The following HS3ST3A1 variants were observed in gnomAD, a reference collection of about 807,000 sequenced individuals.
HS3ST3A1 encodes heparan sulfate-glucosamine 3-sulfotransferase 3A1, also known as heparan sulfate glucosamine 3-O-sulfotransferase 3A1.
HS3ST3A1 carries 19 observed loss-of-function variants against 25.7 expected under a neutral mutation model. That is an observed-to-expected ratio of 0.74 (90% CI 0.52 to 1.08). HS3ST3A1 has a LOEUF of 1.08. HS3ST3A1 is among the 50% of genes least tolerant of loss of function. The probability of loss-of-function intolerance (pLI) is 0.00; values close to 1 mark genes in which losing one functional copy is unlikely to be tolerated. For synonymous variants in HS3ST3A1, 226 were observed against 278.6 expected (o/e 0.81, Z 1.88); for missense variants, 459 against 594.3 (o/e 0.77, Z 2.37).
chr17:13,577,936 G>A (rs1372093798), intron 1 of HS3ST3A1, among the ~76,000 whole-genome samples: 3 of 152,074 alleles, frequency 2.0e-5, no homozygotes, highest in South Asian at 4.2e-4. Flanking sequence ...CAATCAAAAC[G>A]GGCATCTTCA....
intron 1 of HS3ST3A1, among the ~76,000 whole-genome samples, chr17:13,507,273 A>G (rs1023502712): frequency 6.6e-6 from 1 of 152,162 alleles, no homozygotes; most frequent in Non-Finnish European, 1.5e-5. Flanking sequence ...TTATTTCTTG[A>G]GTCTCACAAC....
rs1339392406 is a variant in HS3ST3A1, at chr17:13,522,851, G to GACAC, written c.600-26034_600-26033insGTGT. 8.5e-4 allele frequency among the ~76,000 whole-genome samples: 79 copies of GACAC among 93,238 alleles called. 1 individual carries two copies. The highest frequency in any genetic ancestry group is 4.7e-3 in the South Asian group (14 of 2,986). The allele number at this position is 93,238 out of a possible 152,430, so 61.2% of individuals were successfully genotyped here. On this transcript the variant is annotated intron_variant, in intron 1 of 1. Transcript: ENST00000284110. ...CACACACACACCACACACACACAGA[G>GACAC]AGACACACACACACACACACACACA... is the stretch of plus-strand genomic sequence containing the variant.
intron 1 of HS3ST3A1, among the ~76,000 whole-genome samples, chr17:13,595,408 G>C (rs1908546828): frequency 6.6e-6 from 1 of 152,012 alleles, no homozygotes; most frequent in Non-Finnish European, 1.5e-5. Flanking sequence ...CTAAATTTTG[G>C]CTTCACAACA....
intron 1 of HS3ST3A1, among the ~76,000 whole-genome samples, chr17:13,517,513 T>C (rs2142314221): frequency 6.6e-6 from 1 of 152,162 alleles, no homozygotes; most frequent in African/African-American, 2.4e-5. Context: ...AGTGCTTGAG[T>C]GAAGAAAAGA....
intron 1 of HS3ST3A1, among the ~76,000 whole-genome samples, chr17:13,503,856 G>A (rs1905569845): frequency 6.6e-6 from 1 of 152,172 alleles, no homozygotes; most frequent in Non-Finnish European, 1.5e-5. Context: ...CATGGCCAGG[G>A]CTATACTCAT....
intron 1 of HS3ST3A1, among the ~76,000 whole-genome samples, chr17:13,503,173 C>CAAAA (rs144678351): frequency 3.5e-5 from 3 of 86,862 alleles, no homozygotes; most frequent in African/African-American, 8.4e-5. Context: ...GACTCCATCT[C>CAAAA]AAAAAAAAAA....
At chr17:13,596,799 G>T (rs1033202807) in intron 1 of HS3ST3A1, among the ~76,000 whole-genome samples, 2 of 152,134 alleles carry the variant, frequency 1.3e-5, no homozygotes, top group African/African-American at 4.8e-5. Context: ...CACAGTACAG[G>T]AGGGTGGGAA....
At chr17:13,518,310 G>A (rs1478236992) in intron 1 of HS3ST3A1, among the ~76,000 whole-genome samples, 1 of 152,156 alleles carries the variant, frequency 6.6e-6, no homozygotes, top group African/African-American at 2.4e-5. Flanking sequence ...TTCATACAAT[G>A]TAACATTTCC....
At chr17:13,582,738 C>T (rs1219623469) in intron 1 of HS3ST3A1, among the ~76,000 whole-genome samples, 1 of 152,118 alleles carries the variant, frequency 6.6e-6, no homozygotes, top group African/African-American at 2.4e-5. Context: ...TTCATGCTTT[C>T]TTTCCCTGAG....
intron 1 of HS3ST3A1, among the ~76,000 whole-genome samples, chr17:13,580,285 C>A (rs1908076562): frequency 6.6e-6 from 1 of 151,854 alleles, no homozygotes; most frequent in African/African-American, 2.4e-5. Flanking sequence ...AACACAGTTC[C>A]ATACATGTTG....
At chr17:13,500,761 C>G (rs1414565263) in intron 1 of HS3ST3A1, among the ~76,000 whole-genome samples, 2 of 152,090 alleles carry the variant, frequency 1.3e-5, no homozygotes, top group Non-Finnish European at 2.9e-5. Context: ...CAAAGATAAG[C>G]AGAAATTTCA....
rs984307026 is a variant in HS3ST3A1, at chr17:13,496,059, G to A, written c.*138C>T. The stretch of plus-strand genomic sequence containing the variant: ...GGTTATACATTAAGATGGGGCGGGA[G>A]TGAGAACAATCTCTTAACATTCATT... On this transcript the variant is annotated 3_prime_UTR_variant, in exon 2 of 2. Transcript: ENST00000284110. 6 of 1,099,136 alleles carry A rather than the reference G, an allele frequency of 5.5e-6. No homozygotes were observed. The highest frequency in any genetic ancestry group is 2.1e-5 in the South Asian group (1 of 48,566). The allele number at this position is 1,099,136 out of a possible 1,614,324, so 68.1% of individuals were successfully genotyped here.
intron 1 of HS3ST3A1, among the ~76,000 whole-genome samples, chr17:13,505,020 AAAGAGAT>A (rs893845591): frequency 7.2e-4 from 109 of 152,356 alleles, no homozygotes; most frequent in African/African-American, 2.5e-3. Context: ...CTCAGCCAAA[AAAGAGAT>A]AAGGTAGGTA....
chr17:13,567,840 T>A (rs1487781891), intron 1 of HS3ST3A1, among the ~76,000 whole-genome samples: 1 of 152,206 alleles, frequency 6.6e-6, no homozygotes, highest in Non-Finnish European at 1.5e-5. Context: ...CGGAATCTCC[T>A]CCTGGTAAAG....
At chr17:13,579,847 C>T (rs1791099563) in intron 1 of HS3ST3A1, among the ~76,000 whole-genome samples, 1 of 149,148 alleles carries the variant, frequency 6.7e-6, no homozygotes, top group Admixed American at 6.7e-5. Context: ...TGGCGCTTGC[C>T]TGTAATCCCA....
At chr17:13,557,807 G>A (rs1907423301) in intron 1 of HS3ST3A1, among the ~76,000 whole-genome samples, 1 of 152,154 alleles carries the variant, frequency 6.6e-6, no homozygotes, top group Non-Finnish European at 1.5e-5. Flanking sequence ...CCACAATGTA[G>A]GTCATTGAAT....
intron 1 of HS3ST3A1, among the ~76,000 whole-genome samples, chr17:13,502,945 C>G (rs900569568): frequency 1.3e-5 from 2 of 151,074 alleles, no homozygotes; most frequent in African/African-American, 2.4e-5. Flanking sequence ...CTTTGGGAGG[C>G]CAAGGCAGGC....
intron 1 of HS3ST3A1, among the ~76,000 whole-genome samples, chr17:13,589,797 C>T (rs1034065156): frequency 1.3e-5 from 2 of 152,160 alleles, no homozygotes; most frequent in Admixed American, 6.5e-5. Context: ...ACATGGCTTC[C>T]GTTTAGAAAG....
In HS3ST3A1 at chr17:13,564,797, C is replaced by T. The variant is rs555622315; in HGVS notation, c.599+35734G>A. On this transcript the variant is annotated intron_variant, in intron 1 of 1. Coordinates refer to ENST00000284110, the MANE Select transcript of HS3ST3A1 (RefSeq NM_006042.3). ...CGAGTGCAGTGGTGCGATCGCAGCT[C>T]ACTGCAACTTCCACCTCCCGAGTTC... 6.0e-5 allele frequency among the ~76,000 whole-genome samples: 9 copies of T among 149,464 alleles called. No individual in the cohort carries two copies. The South Asian group carries it at 1.7e-3, about 28-fold the overall frequency.
Sources: allele counts gnomAD v4.1 joint callset (sites outside exome capture counted in the v4.1 genomes callset), GRCh38; gene constraint gnomAD v4.1.1; transcripts MANE v1.5; gene names NCBI Gene and HGNC (gene_info 2026-07-23, HGNC 2026-07-21).